Variants in PTPRG observed in about 807,000 individuals in gnomAD.
PTPRG encodes protein tyrosine phosphatase receptor type G.
A neutral mutation model predicts 165.3 loss-of-function variants in PTPRG; 102 were observed. That is an observed-to-expected ratio of 0.62 (90% CI 0.53 to 0.73). The LOEUF is 0.73. Ranked by LOEUF, PTPRG falls within the 30% of genes least tolerant of loss-of-function variation. PTPRG has a pLI of 0.00. For synonymous variants in PTPRG, 675 were observed against 669.5 expected (o/e 1.01, Z -0.13); for missense variants, 1,866 against 1,861.4 (o/e 1.00, Z -0.05).
At chr3:62,087,835 G>A (rs1439843181) in intron 5 of PTPRG, among the ~76,000 whole-genome samples, 1 of 152,110 alleles carries the variant, frequency 6.6e-6, no homozygotes, top group Non-Finnish European at 1.5e-5. Context: ...AGCTGAAGAG[G>A]TATTTTCTTG....
intron 7 of PTPRG, 58 bp downstream of exon 7, chr3:62,157,282 G>A (rs570416063): frequency 3.9e-6 from 6 of 1,549,026 alleles, no homozygotes; most frequent in South Asian, 3.4e-5. Context: ...TTGACTTAAC[G>A]ATCCAGCATG....
At chr3:62,135,951 C>T (rs1703694354) in intron 6 of PTPRG, among the ~76,000 whole-genome samples, 1 of 152,156 alleles carries the variant, frequency 6.6e-6, no homozygotes, top group Non-Finnish European at 1.5e-5. Context: ...CTGGAGCGTC[C>T]CAGCAAGAAT....
intron 28 of PTPRG, among the ~76,000 whole-genome samples, chr3:62,284,353 C>A (rs766959800): frequency 1.3e-4 from 20 of 151,790 alleles, no homozygotes; most frequent in Non-Finnish European, 2.8e-4. Flanking sequence ...AAAATATATC[C>A]CCTCCAGAAT....
intron 1 of PTPRG, among the ~76,000 whole-genome samples, chr3:61,709,214 C>T (rs1036474986): frequency 2.0e-5 from 3 of 152,218 alleles, no homozygotes; most frequent in Admixed American, 6.5e-5. Flanking sequence ...CCAGCTAATG[C>T]GTGTGACATG....
intron 8 of PTPRG, among the ~76,000 whole-genome samples, chr3:62,174,255 A>T (rs932235050): frequency 6.6e-6 from 1 of 152,246 alleles, no homozygotes; most frequent in Non-Finnish European, 1.5e-5. Flanking sequence ...ATGGTTTATT[A>T]ATTTAACCAA....
chr3:61,715,741 CA>C (rs1559571075), intron 1 of PTPRG, among the ~76,000 whole-genome samples: 2 of 151,976 alleles, frequency 1.3e-5, no homozygotes, highest in Non-Finnish European at 2.9e-5. Flanking sequence ...TCTGAGCAAC[CA>C]AAATAGAGAA....
At chr3:62,160,527 C>G (rs1003522650) in intron 7 of PTPRG, among the ~76,000 whole-genome samples, 1 of 152,248 alleles carries the variant, frequency 6.6e-6, no homozygotes, top group African/African-American at 2.4e-5. Flanking sequence ...TGGCAGCACT[C>G]TCGGCCCTTC....
intron 2 of PTPRG, among the ~76,000 whole-genome samples, chr3:61,940,584 A>C (rs2039596434): frequency 6.6e-6 from 1 of 151,968 alleles, no homozygotes; most frequent in Non-Finnish European, 1.5e-5. Context: ...CTCTTGGTAG[A>C]ATTACACATT....
intron 4 of PTPRG, among the ~76,000 whole-genome samples, chr3:62,008,793 A>G (rs941913281): frequency 1.4e-4 from 21 of 152,142 alleles, no homozygotes; most frequent in Admixed American, 9.2e-4. Context: ...GCAGTTCACA[A>G]TAGGGTTTGT....
chr3:61,908,958 C>G (rs1298962373), intron 2 of PTPRG, among the ~76,000 whole-genome samples: 10 of 152,176 alleles, frequency 6.6e-5, no homozygotes, highest in Non-Finnish European at 1.5e-5. Flanking sequence ...CTTTCACTGA[C>G]TTGCCCTTTC....
At chr3:61,659,274 GTTT>G in intron 1 of PTPRG, 1 of 981,050 alleles carries the variant, frequency 1.0e-6, no homozygotes, top group Non-Finnish European at 1.2e-6. Context: ...TACAATGTAT[GTTT>G]TCTTTCATCG....
chr3:61,596,510 G>C (rs1005323403), intron 1 of PTPRG, among the ~76,000 whole-genome samples: 2 of 152,074 alleles, frequency 1.3e-5, no homozygotes, highest in Non-Finnish European at 2.9e-5. Flanking sequence ...CAAATAACTG[G>C]GGCAGTGTAG....
At chr3:62,078,365 T>A (rs1575974652) in intron 5 of PTPRG, 107 bp downstream of exon 5, 1 of 667,206 alleles carries the variant, frequency 1.5e-6, no homozygotes, top group East Asian at 2.9e-5. Flanking sequence ...AGTTCACACC[T>A]GTCCAAATGA....
intron 1 of PTPRG, among the ~76,000 whole-genome samples, chr3:61,720,565 C>T (rs886512710): frequency 2.6e-5 from 4 of 152,144 alleles, no homozygotes; most frequent in African/African-American, 7.2e-5. Context: ...GTATCACTCC[C>T]GAAGGTCTCC....
At chr3:62,158,406 G>T (rs572551599) in intron 7 of PTPRG, among the ~76,000 whole-genome samples, 141 of 152,302 alleles carry the variant, frequency 9.3e-4, no homozygotes, top group African/African-American at 3.2e-3. Flanking sequence ...AAACTGGAAG[G>T]TACTTAGGAT....
chr3:62,038,207 T>G (rs548673208), intron 4 of PTPRG, among the ~76,000 whole-genome samples: 1 of 152,306 alleles, frequency 6.6e-6, no homozygotes, highest in East Asian at 1.9e-4. Context: ...GATGTGTAAT[T>G]TTTATCAGGA....
chr3:62,153,392 T>C (rs1306686662), intron 6 of PTPRG, among the ~76,000 whole-genome samples: 1 of 152,212 alleles, frequency 6.6e-6, no homozygotes, highest in African/African-American at 2.4e-5. Context: ...TGGAAGTAGC[T>C]CAGAGAGGTT....
chr3:61,709,612 G>A (rs1042867417), intron 1 of PTPRG, among the ~76,000 whole-genome samples: 1 of 152,078 alleles, frequency 6.6e-6, no homozygotes, highest in Admixed American at 6.5e-5. Flanking sequence ...ACCGTTCCCC[G>A]CCTTAAATGG....
chr3:61,772,957 T>A (rs1157005621), intron 2 of PTPRG, among the ~76,000 whole-genome samples: 3 of 152,206 alleles, frequency 2.0e-5, no homozygotes, highest in Non-Finnish European at 2.9e-5. Flanking sequence ...TCCATAATAA[T>A]ATAGACTGAA....
Sources: gnomAD v4.1 joint callset for allele counts (sites outside exome capture counted in the v4.1 genomes callset) on GRCh38, gnomAD v4.1.1 for gene constraint, MANE v1.5 for transcripts, NCBI Gene and HGNC (gene_info 2026-07-23, HGNC 2026-07-21) for gene names.